Variants in NEURL1 observed in about 807,000 individuals in gnomAD.
The protein encoded by NEURL1 is neuralized E3 ubiquitin protein ligase 1.
NEURL1 carries 26 observed loss-of-function variants against 41.2 expected under a neutral mutation model. The observed-to-expected ratio is 0.63, with a 90% CI of 0.46 to 0.87. The LOEUF (loss-of-function observed/expected upper bound fraction) is 0.87. Among genes scored for constraint, NEURL1 ranks in the 40% least tolerant of loss-of-function variants. The probability of loss-of-function intolerance (pLI) is 0.00; values close to 1 mark genes in which losing one functional copy is unlikely to be tolerated. For missense variants in NEURL1, 761 were observed against 871.1 expected (o/e 0.87, Z 1.59); for synonymous variants, 400 against 402.3 (o/e 0.99, Z 0.07).
rs2035891335 is a variant in NEURL1 at position 103,585,180 on chromosome 10, A to G, written c.1294A>G (p.Met432Val). The change falls in exon 4 of 6, where the codon ATG becomes GTG. Residue 432 changes from methionine to valine, a missense_variant. By Grantham distance (21) the Met-to-Val change is conservative. Transcript: ENST00000369780. ...CGTGGACGCCTCGCAGCCGCTTTGG[A>G]TGCTCTTCGGCCTGCACGGGACCAT... ...LCVDASQPLW[M>V]LFGLHGTITQ... The G allele has an allele frequency of 4.4e-6, 7 of 1,585,328 alleles. No individual in the cohort carries two copies. The highest frequency in any genetic ancestry group is 5.1e-6 in the Non-Finnish European group (6 of 1,170,910).
chr10:103,497,425 A>AT (rs1436358302), intron 1 of NEURL1, among the ~76,000 whole-genome samples: 4 of 151,930 alleles, frequency 2.6e-5, no homozygotes, highest in Non-Finnish European at 4.4e-5. Context: ...GACTGTCTTG[A>AT]TTTTTTTCTC....
chr10:103,525,568 G>T (rs2034443446), intron 1 of NEURL1, among the ~76,000 whole-genome samples: 1 of 151,892 alleles, frequency 6.6e-6, no homozygotes, highest in African/African-American at 2.4e-5. Flanking sequence ...TGGCCAGGCT[G>T]GTCTCCAACT....
At chr10:103,501,074 G>A (rs933578766) in intron 1 of NEURL1, among the ~76,000 whole-genome samples, 1 of 152,208 alleles carries the variant, frequency 6.6e-6, no homozygotes, top group Non-Finnish European at 1.5e-5. Flanking sequence ...GATGTGTTCA[G>A]GGATGGTGAG....
At chr10:103,495,503 C>G (rs572438486) in intron 1 of NEURL1, among the ~76,000 whole-genome samples, 32 of 152,328 alleles carry the variant, frequency 2.1e-4, no homozygotes, top group Non-Finnish European at 3.1e-4. Flanking sequence ...CAGAGCAGAG[C>G]TAATCACACT....
intron 3 of NEURL1, among the ~76,000 whole-genome samples, chr10:103,579,138 CGG>C (rs1250917243): frequency 6.6e-6 from 1 of 152,224 alleles, no homozygotes; most frequent in Non-Finnish European, 1.5e-5. Context: ...ATGGCAGGGC[CGG>C]GTGGCTTTCT....
chr10:103,551,674 G>A (rs1202644327), intron 1 of NEURL1, among the ~76,000 whole-genome samples: 12 of 152,148 alleles, frequency 7.9e-5, no homozygotes, highest in Admixed American at 6.5e-4. Flanking sequence ...GCCATATCCC[G>A]GGGCTGCCTC....
intron 1 of NEURL1, among the ~76,000 whole-genome samples, chr10:103,528,546 A>G (rs1011864893): frequency 2.6e-5 from 4 of 151,946 alleles, no homozygotes; most frequent in African/African-American, 4.8e-5. Flanking sequence ...AAAAAAAAAA[A>G]AAAAGAAAAG....
rs201516316 is a variant in NEURL1, at chr10:103,590,332, G to A, written c.1685G>A (p.Arg562His). Residue 562 changes from arginine to histidine, a missense_variant, in exon 6 of 6, where the codon CGC (arginine) becomes CAC (histidine). By Grantham distance (29) the Arg-to-His change is conservative. Around this residue, in one of 5 missense-constraint regions of NEURL1, gnomAD observed 45 missense variants for 89.9 expected, o/e 0.50. Coordinates refer to ENST00000369780, the MANE Select transcript of NEURL1 (RefSeq NM_004210.5). ...CACGCCTGCTGCCCCATCTGCCGCC[G>A]CCCCATCAAGGACATCATCAAGACC... ...ALHACCPICRRPIKDIIKTYR... is the reference protein window; with the variant it reads ...ALHACCPICRHPIKDIIKTYR... 41 of 1,613,930 alleles carry A rather than the reference G, an allele frequency of 2.5e-5. No individual in the cohort carries two copies. Among genetic ancestry groups the A allele is most frequent in the Non-Finnish European group, 3.1e-5 (37 of 1,180,026 alleles).
At chr10:103,541,339 G>A (rs150438420) in intron 1 of NEURL1, among the ~76,000 whole-genome samples, 16 of 152,276 alleles carry the variant, frequency 1.1e-4, no homozygotes, top group Non-Finnish European at 1.6e-4. Context: ...GGAGTCTGGG[G>A]GAGCCATCAG....
intron 1 of NEURL1, among the ~76,000 whole-genome samples, chr10:103,568,972 G>A (rs1044482267): frequency 2.0e-5 from 3 of 152,010 alleles, no homozygotes; most frequent in South Asian, 4.2e-4. Flanking sequence ...CTGCCACCAC[G>A]CCCAGCTAAT....
intron 5 of NEURL1, 57 bp from the exon 6 acceptor site, chr10:103,590,074 CGTG>C: frequency 6.5e-7 from 1 of 1,534,152 alleles, no homozygotes; most frequent in Non-Finnish European, 9.0e-7. Context: ...GCTCTCTTCC[CGTG>C]AATCCAGCGC....
At position 103,588,021 on chromosome 10, in the gene NEURL1, T is replaced by C. The variant is rs534447628; in HGVS notation, c.1340-1493T>C. Among the ~76,000 whole-genome samples the C allele has an allele frequency of 7.0e-4, 106 of 152,256 alleles. 1 individual carries two copies. Among genetic ancestry groups the C allele is most frequent in the Middle Eastern group, 3.4e-3 (1 of 294 alleles). ...CTATTTCCTGTTCTAAGAAAGCTCA[T>C]GGGCTGGGCGCGGCGGCTCACACCT... is the stretch of plus-strand genomic sequence containing the variant. On this transcript the variant is annotated intron_variant, in intron 4 of 5. Transcript: ENST00000369780.
At chr10:103,547,315 G>A (rs1480315606) in intron 1 of NEURL1, among the ~76,000 whole-genome samples, 6 of 152,258 alleles carry the variant, frequency 3.9e-5, no homozygotes, top group Non-Finnish European at 7.3e-5. Context: ...AGCTGCCAGT[G>A]GCCATACTGG....
chr10:103,517,643 T>C (rs2034247225), intron 1 of NEURL1, among the ~76,000 whole-genome samples: 1 of 152,254 alleles, frequency 6.6e-6, no homozygotes, highest in Non-Finnish European at 1.5e-5. Flanking sequence ...CAAAGGTTCA[T>C]GAGTCAAATC....
At chr10:103,578,693 G>A (rs1255856241) in intron 3 of NEURL1, among the ~76,000 whole-genome samples, 2 of 152,186 alleles carry the variant, frequency 1.3e-5, no homozygotes, top group Admixed American at 6.5e-5. Context: ...ATTTTAGGAT[G>A]TTCTGCCCTT....
intron 1 of NEURL1, among the ~76,000 whole-genome samples, chr10:103,496,518 G>GAC (rs1298304693): frequency 6.6e-6 from 1 of 152,162 alleles, no homozygotes; most frequent in African/African-American, 2.4e-5. Context: ...GATCATATGG[G>GAC]ATTGCATTTT....
chr10:103,541,006 TG>T lies in NEURL1; in HGVS notation c.86-29864del, dbSNP rs2034809313. ...ATGGATTTCAGTCTTCTGCCAGAGT[TG>T]GCTGGTAGGGCAGGTCAGGGTCAGT... On this transcript the variant is annotated intron_variant, in intron 1 of 5. Transcript: ENST00000369780. 2.0e-5 allele frequency among the ~76,000 whole-genome samples: 3 copies of T among 152,326 alleles called. No individual in the cohort carries two copies. The South Asian group carries it at 6.2e-4, about 32-fold the overall frequency.
intron 3 of NEURL1, among the ~76,000 whole-genome samples, chr10:103,573,608 G>A (rs1189145693): frequency 6.6e-6 from 1 of 152,122 alleles, no homozygotes; most frequent in Non-Finnish European, 1.5e-5. Context: ...TTGAGTTTGA[G>A]CTCTAACCTG....
intron 1 of NEURL1, among the ~76,000 whole-genome samples, chr10:103,553,906 G>C (rs930855036): frequency 1.3e-5 from 2 of 152,232 alleles, no homozygotes; most frequent in African/African-American, 4.8e-5. Context: ...CTGTTGTCCT[G>C]GTAGAGGCCC....
Sources: gnomAD v4.1 joint callset for allele counts (sites outside exome capture counted in the v4.1 genomes callset) on GRCh38, gnomAD v4.1.1 for gene constraint, gnomAD v4.1.1 regional missense constraint, MANE v1.5 for transcripts, NCBI Gene and HGNC (gene_info 2026-07-23, HGNC 2026-07-21) for gene names.